The following CALCOCO1 variants were observed in gnomAD, a reference collection of about 807,000 sequenced individuals.
The protein encoded by CALCOCO1 is calcium binding and coiled-coil domain 1.
A neutral mutation model predicts 86.3 loss-of-function variants in CALCOCO1; 44 were observed. The observed-to-expected ratio is 0.51, with a 90% CI of 0.40 to 0.66. CALCOCO1 has a LOEUF of 0.66. Among genes scored for constraint, CALCOCO1 ranks in the 30% least tolerant of loss-of-function variants. The pLI, the probability that CALCOCO1 is intolerant of heterozygous loss-of-function variation, is 0.00. For missense variants in CALCOCO1, 708 were observed against 851.1 expected (o/e 0.83, Z 2.09); for synonymous variants, 297 against 327.6 (o/e 0.91, Z 1.01).
rs369466403 is a variant in CALCOCO1, at chr12:53,715,929, C to T, written c.1124G>A (p.Arg375His). Residue 375 changes from arginine to histidine, a missense_variant, in exon 9 of 15, where the codon CGC becomes CAC. By Grantham distance (29) the Arg-to-His change is conservative (BLOSUM62 0). Coordinates refer to ENST00000550804, the MANE Select transcript of CALCOCO1 (RefSeq NM_020898.3). ...ELASAAAARDRTIAELHRSRL... is the reference protein window; with the variant it reads ...ELASAAAARDHTIAELHRSRL... Reference sequence around the variant, plus strand: ...GCTGCGGTGTAGTTCGGCTATGGTGCGGTCCCTGGCTGCTGCTGCACTGGC... The same window carrying T: ...GCTGCGGTGTAGTTCGGCTATGGTGTGGTCCCTGGCTGCTGCTGCACTGGC... 250 of 1,614,160 alleles carry T rather than the reference C, an allele frequency of 1.5e-4. 2 individuals are homozygous for T. The highest frequency in any genetic ancestry group is 1.4e-3 in the South Asian group (132 of 91,082).
intron 3 of CALCOCO1, chr12:53,724,429 C>T: frequency 1.8e-6 from 1 of 541,672 alleles, no homozygotes; most frequent in Non-Finnish European, 3.3e-6. Flanking sequence ...GACTAGATGC[C>T]CTCTGAAGTT....
At chr12:53,725,287 AG>A in intron 1 of CALCOCO1, 21 bp from the exon 2 acceptor site, 1 of 1,517,184 alleles carries the variant, frequency 6.6e-7, no homozygotes, top group Non-Finnish European at 8.9e-7. Context: ...AAGGGTTGAT[AG>A]CCTAAAGTCT....
chr12:53,713,023 C>T (rs1212134845), intron 14 of CALCOCO1, 77 bp downstream of exon 14: 13 of 1,392,454 alleles, frequency 9.3e-6, no homozygotes, highest in Non-Finnish European at 1.2e-5. Flanking sequence ...GGAGCAGGGC[C>T]TGGTGACTGT....
chr12:53,713,159 C>G lies in CALCOCO1; in HGVS notation c.1839G>C (p.Gly613=). 6.2e-7 allele frequency: 1 copy of G among 1,614,166 alleles called. No individual in the cohort carries two copies. Among genetic ancestry groups the G allele is most frequent in the South Asian group, 1.1e-5 (1 of 91,086 alleles). ...KSVLMAAVQS[G]GEEANLLLPE... ...GAAGCAGTAAGTTGGCCTCCTCACC[C>G]CCACTCTGCACAGCTGCCATCAGGA... Residue 613 remains glycine, a synonymous_variant, in exon 14 of 15, where the codon GGG becomes GGC. Coordinates refer to ENST00000550804, the MANE Select transcript of CALCOCO1 (RefSeq NM_020898.3).
rs201139305 is a variant in CALCOCO1, at chr12:53,721,633, C to T, written c.610-18G>A. The T allele has an allele frequency of 7.0e-5, 113 of 1,613,668 alleles. No individual in the cohort carries two copies. Among genetic ancestry groups the T allele is most frequent in the Non-Finnish European group, 7.8e-5 (92 of 1,179,924 alleles). Reference sequence around the variant, plus strand: ...GAAATCCCCTGAAATTAAGTTTCCCCCAGAAGAAAAGGGAGGTTGGGACTC... The same window carrying T: ...GAAATCCCCTGAAATTAAGTTTCCCTCAGAAGAAAAGGGAGGTTGGGACTC... On this transcript the variant is annotated intron_variant, in intron 5 of 14. Coordinates refer to ENST00000550804, the MANE Select transcript of CALCOCO1 (RefSeq NM_020898.3).
intron 10 of CALCOCO1, 57 bp downstream of exon 10, chr12:53,715,143 G>C: frequency 6.3e-7 from 1 of 1,587,960 alleles, no homozygotes; most frequent in Non-Finnish European, 8.6e-7. Flanking sequence ...CAGAGAGAAG[G>C]GGTATGGATG....
chr12:53,713,346 G>A (rs1212255034), intron 13 of CALCOCO1, 140 bp from the exon 14 acceptor site: 9 of 675,396 alleles, frequency 1.3e-5, no homozygotes, highest in Admixed American at 6.8e-5. Context: ...CAGGAGAGGC[G>A]TTTTGAGGGG....
At position 53,712,215 on chromosome 12, in the gene CALCOCO1, TC is replaced by T. The variant is rs373065429; in HGVS notation, c.1899-95del. 6.7e-4 allele frequency: 739 copies of T among 1,096,772 alleles called. 5 individuals are homozygous for T. In the African/African-American group the frequency reaches 0.01, roughly 15 times the overall value. 67.9% of individuals were successfully genotyped at this position (1,096,772 alleles called of 1,614,324 possible). ...GAGAGCAGGACCCATGTGCCTGGGT[TC>T]CCAGGTTATCCTGTGCCTAATGCAG... On this transcript the variant is annotated intron_variant, in intron 14 of 14. Transcript: ENST00000550804.
In CALCOCO1 at chr12:53,716,247, G is replaced by A; in HGVS notation, c.1005+13C>T. ...GAATTTCCCGTTTCCTGTTGCCAAG[G>A]GGCCTCACTCACCACCCGCTGCTGG... On this transcript the variant is annotated intron_variant, in intron 8 of 14. Coordinates refer to ENST00000550804, the MANE Select transcript of CALCOCO1 (RefSeq NM_020898.3). 6.2e-7 allele frequency: 1 copy of A among 1,613,196 alleles called. No homozygotes were observed. Among genetic ancestry groups the A allele is most frequent in the Non-Finnish European group, 8.5e-7 (1 of 1,179,696 alleles).
rs186096429 is a variant in CALCOCO1, at chr12:53,709,871, G to A, written c.*2073C>T. 7.9e-5 allele frequency: 12 copies of A among 152,188 alleles called. No individual in the cohort carries two copies. Among genetic ancestry groups the A allele is most frequent in the Admixed American group, 3.3e-4 (5 of 15,292 alleles). 9.4% of individuals were successfully genotyped at this position (152,188 alleles called of 1,614,324 possible). ...GAGGTGTGGGTCCCAGATTCTTCTC[G>A]CCCCAACCTCCCCCAGAAAATAAAT... On this transcript the variant is annotated 3_prime_UTR_variant, in exon 15 of 15. Transcript: ENST00000550804.
rs539564645 is a variant in CALCOCO1 at position 53,724,154 on chromosome 12, G to C, written c.260-371C>G. On this transcript the variant is annotated intron_variant, in intron 3 of 14. Coordinates refer to ENST00000550804, the MANE Select transcript of CALCOCO1 (RefSeq NM_020898.3). Reference sequence around the variant, plus strand: ...CAAGAGATTCTCCTGCCTCAGCCTTGTGAGTAGCTGGGACTACAGGCATGC... The same window carrying C: ...CAAGAGATTCTCCTGCCTCAGCCTTCTGAGTAGCTGGGACTACAGGCATGC... The C allele has an allele frequency of 2.5e-4, 105 of 419,830 alleles. 1 individual carries two copies. Among genetic ancestry groups the C allele is most frequent in the South Asian group, 1.7e-3 (103 of 59,242 alleles). The allele number at this position is 419,830 out of a possible 1,614,324, so 26.0% of individuals were successfully genotyped here.
chr12:53,724,641 G>A lies in CALCOCO1; in HGVS notation c.259+4C>T. 2 of 1,611,568 alleles carry A rather than the reference G, an allele frequency of 1.2e-6. No individual in the cohort carries two copies. The highest frequency in any genetic ancestry group is 1.7e-6 in the Non-Finnish European group (2 of 1,177,984). On this transcript the variant is annotated splice_donor_region_variant and intron_variant, in intron 3 of 14. Transcript: ENST00000550804. ...CTCTCCCAATTTTCCATCTTCCCTTGTACCTTGGAACTGGACACTGGTGTG... is the reference window on the plus strand; with the variant it reads ...CTCTCCCAATTTTCCATCTTCCCTTATACCTTGGAACTGGACACTGGTGTG...
intron 4 of CALCOCO1, among the ~76,000 whole-genome samples, chr12:53,722,690 C>T (rs1057103408): frequency 2.6e-5 from 4 of 152,136 alleles, no homozygotes; most frequent in African/African-American, 9.7e-5. Context: ...CATCCTTCCA[C>T]CTCAGTGTCT....
In CALCOCO1 at chr12:53,712,059, T is replaced by C. The variant is rs549236734; in HGVS notation, c.1961A>G (p.Lys654Arg). The C allele has an allele frequency of 3.7e-6, 6 of 1,612,470 alleles. No individual in the cohort carries two copies. The highest frequency in any genetic ancestry group is 5.1e-6 in the Non-Finnish European group (6 of 1,179,250). Reference sequence around the variant, plus strand: ...GCGCTCCTTACAGATAGGACACTCCTTCCATGTGGGGGTGGCAGGGCCCCC... The same window carrying C: ...GCGCTCCTTACAGATAGGACACTCCCTCCATGTGGGGGTGGCAGGGCCCCC... ...STGGPATPTW[K>R]ECPICKERFP... The change falls in exon 15 of 15, where the codon AAG becomes AGG. Residue 654 changes from lysine (K) to arginine (R), a missense_variant. Lys to Arg is a conservative substitution (Grantham distance 26). Transcript: ENST00000550804.
intron 3 of CALCOCO1, 198 bp downstream of exon 3, chr12:53,724,441 CTTCTGT>C (rs1945967525): frequency 3.6e-6 from 2 of 556,828 alleles, no homozygotes; most frequent in East Asian, 6.3e-5. Context: ...TCTGAAGTTC[CTTCTGT>C]TTCTATGTCC....
rs772237390 is a variant in CALCOCO1, at chr12:53,722,011, G to A, written c.609+14C>T. ...AGCAGCCAGGCCCTGTCCCCTACCTGGCCCAGCTCCCACCTTGTACTGTTC... is the reference window on the plus strand; with the variant it reads ...AGCAGCCAGGCCCTGTCCCCTACCTAGCCCAGCTCCCACCTTGTACTGTTC... On this transcript the variant is annotated intron_variant, in intron 5 of 14. Transcript: ENST00000550804. The A allele has an allele frequency of 5.0e-6, 8 of 1,611,752 alleles. No homozygotes were observed. In the African/African-American group the frequency reaches 8.0e-5, roughly 16 times the overall value.
chr12:53,719,724 C>T lies in CALCOCO1; in HGVS notation c.849+15G>A. The T allele has an allele frequency of 6.3e-7, 1 of 1,594,106 alleles. No individual in the cohort carries two copies. The highest frequency in any genetic ancestry group is 1.1e-5 in the South Asian group (1 of 90,304). On this transcript the variant is annotated intron_variant, in intron 7 of 14. Coordinates refer to ENST00000550804, the MANE Select transcript of CALCOCO1 (RefSeq NM_020898.3). ...CTGGACAATGGAGAAAGCAAATCAA[C>T]TCTGAGCCCCTTACCTCACTTTGCT...
At chr12:53,713,014 G>A in intron 14 of CALCOCO1, 86 bp downstream of exon 14, 1 of 1,351,584 alleles carries the variant, frequency 7.4e-7, no homozygotes, top group Non-Finnish European at 1.1e-6. Context: ...CAGGGGTTGG[G>A]AGCAGGGCCT....
intron 7 of CALCOCO1, 137 bp downstream of exon 7, chr12:53,719,598 TTAGG>T (rs1240569883): frequency 1.6e-6 from 1 of 636,250 alleles, no homozygotes; most frequent in East Asian, 2.8e-5. Flanking sequence ...TAATCCTGAT[TTAGG>T]TATATGTCTT....
Sources: gnomAD v4.1 joint callset for allele counts (sites outside exome capture counted in the v4.1 genomes callset) on GRCh38, gnomAD v4.1.1 for gene constraint, MANE v1.5 for transcripts, NCBI Gene and HGNC (gene_info 2026-07-23, HGNC 2026-07-21) for gene names.